Variants in KCNIP4 observed in about 807,000 individuals in gnomAD.
KCNIP4 encodes potassium voltage-gated channel interacting protein 4.
KCNIP4 carries 12 observed loss-of-function variants against 34.0 expected under a neutral mutation model. The ratio of observed to expected loss-of-function variants is 0.35; its 90% CI spans 0.23 to 0.57. KCNIP4 has a LOEUF of 0.57. KCNIP4 is among the 20% of genes least tolerant of loss of function. The pLI is 0.83. For synonymous variants in KCNIP4, 124 were observed against 102.2 expected (o/e 1.21, Z -1.29); for missense variants, 238 against 311.7 (o/e 0.76, Z 1.78).
At chr4:21,269,889 A>C (rs1813601) in intron 1 of KCNIP4, among the ~76,000 whole-genome samples, 120,084 of 152,050 alleles carry the variant, frequency 0.79, 48,399 homozygotes, top group African/African-American at 0.95. Flanking sequence ...GTATGATTTT[A>C]AGAATTGGTT....
chr4:21,351,691 C>A (rs1324479954), intron 1 of KCNIP4, among the ~76,000 whole-genome samples: 2 of 151,936 alleles, frequency 1.3e-5, no homozygotes, highest in Non-Finnish European at 2.9e-5. Context: ...GGTTGGTGTC[C>A]TTATAAGAAA....
chr4:21,638,437 T>A (rs1184483476), intron 1 of KCNIP4, among the ~76,000 whole-genome samples: 2 of 152,118 alleles, frequency 1.3e-5, no homozygotes, highest in African/African-American at 4.8e-5. Context: ...AAACACAACA[T>A]AAAACTGTAT....
At chr4:21,081,799 A>G (rs2109021911) in intron 1 of KCNIP4, among the ~76,000 whole-genome samples, 1 of 151,930 alleles carries the variant, frequency 6.6e-6, no homozygotes, top group South Asian at 2.1e-4. Context: ...TAGCTCACTG[A>G]ATTCTGAGAG....
intron 5 of KCNIP4, among the ~76,000 whole-genome samples, chr4:20,742,225 C>G (rs1382806245): frequency 6.6e-6 from 1 of 152,164 alleles, no homozygotes; most frequent in African/African-American, 2.4e-5. Context: ...TTTTATGAGG[C>G]CAGCATCATC....
chr4:21,153,858 A>G (rs1166780923), intron 1 of KCNIP4, among the ~76,000 whole-genome samples: 1 of 152,104 alleles, frequency 6.6e-6, no homozygotes, highest in East Asian at 1.9e-4. Flanking sequence ...CATCAGGTAT[A>G]TCCACTCAGT....
intron 1 of KCNIP4, among the ~76,000 whole-genome samples, chr4:20,902,094 A>T (rs1727212670): frequency 1.3e-5 from 2 of 152,170 alleles, no homozygotes; most frequent in African/African-American, 4.8e-5. Flanking sequence ...CACCACAGAG[A>T]TTACTCATGT....
chr4:21,845,442 G>C (rs930670703), intron 1 of KCNIP4: 5 of 151,980 alleles, frequency 3.3e-5, no homozygotes, highest in African/African-American at 1.2e-4. Flanking sequence ...AAGTATACAG[G>C]CCTTACAAGA....
chr4:21,374,353 G>C (rs906970108), intron 1 of KCNIP4, among the ~76,000 whole-genome samples: 3 of 147,256 alleles, frequency 2.0e-5, no homozygotes, highest in Admixed American at 2.0e-4. Flanking sequence ...AGGCAAGAGA[G>C]AGAATGAGAG....
chr4:21,905,600 C>G (rs923894133), intron 1 of KCNIP4, among the ~76,000 whole-genome samples: 1 of 151,954 alleles, frequency 6.6e-6, no homozygotes, highest in Admixed American at 6.6e-5. Flanking sequence ...AGCAAACTAT[C>G]GCAAGGACAA....
intron 1 of KCNIP4, among the ~76,000 whole-genome samples, chr4:21,282,333 A>T (rs539779529): frequency 1.3e-5 from 2 of 152,354 alleles, no homozygotes; most frequent in South Asian, 2.1e-4. Flanking sequence ...TAAAGAGATA[A>T]CTACAAATAT....
chr4:21,489,053 C>T (rs1560454700), intron 1 of KCNIP4, among the ~76,000 whole-genome samples: 1 of 152,070 alleles, frequency 6.6e-6, no homozygotes, highest in East Asian at 1.9e-4. Flanking sequence ...AAAGCTGTCT[C>T]CCTCAAGAAG....
At chr4:21,455,416 A>G (rs1452934116) in intron 1 of KCNIP4, among the ~76,000 whole-genome samples, 1 of 152,008 alleles carries the variant, frequency 6.6e-6, no homozygotes, top group Non-Finnish European at 1.5e-5. Flanking sequence ...TCTATGAGCT[A>G]CTAAAATCAA....
chr4:21,276,719 G>A (rs1319727398), intron 1 of KCNIP4, among the ~76,000 whole-genome samples: 2 of 151,896 alleles, frequency 1.3e-5, no homozygotes, highest in African/African-American at 2.4e-5. Context: ...AATGACAGTG[G>A]CCCATCTATA....
intron 1 of KCNIP4, among the ~76,000 whole-genome samples, chr4:20,915,184 C>A (rs34856968): frequency 6.6e-6 from 1 of 152,248 alleles, no homozygotes; most frequent in East Asian, 1.9e-4. Context: ...ATTTCTCTTA[C>A]GTACTCCAGG....
chr4:21,876,429 T>C (rs1435278144), intron 1 of KCNIP4, among the ~76,000 whole-genome samples: 1 of 152,116 alleles, frequency 6.6e-6, no homozygotes, highest in Non-Finnish European at 1.5e-5. Context: ...ATTCTATTGG[T>C]GGGTCCTGGG....
At chr4:21,307,575 A>G (rs570265470) in intron 1 of KCNIP4, among the ~76,000 whole-genome samples, 2 of 152,336 alleles carry the variant, frequency 1.3e-5, no homozygotes, top group African/African-American at 4.8e-5. Context: ...GTCTTGTTCA[A>G]TATAATATCC....
At chr4:21,488,321 T>C (rs1732092414) in intron 1 of KCNIP4, among the ~76,000 whole-genome samples, 1 of 152,166 alleles carries the variant, frequency 6.6e-6, no homozygotes, top group Non-Finnish European at 1.5e-5. Context: ...ATTGTTCGAT[T>C]CCAGTATACA....
chr4:20,913,265 A>G (rs1728499187), intron 1 of KCNIP4, among the ~76,000 whole-genome samples: 1 of 152,124 alleles, frequency 6.6e-6, no homozygotes, highest in Non-Finnish European at 1.5e-5. Flanking sequence ...AAAATAAAAT[A>G]AAAAAGAAGT....
chr4:20,957,868 T>A (rs1733473380), intron 1 of KCNIP4, among the ~76,000 whole-genome samples: 1 of 152,214 alleles, frequency 6.6e-6, no homozygotes, highest in East Asian at 1.9e-4. Context: ...AGGAGATATC[T>A]TTGGCTCTTC....
Sources: allele counts gnomAD v4.1 joint callset (sites outside exome capture counted in the v4.1 genomes callset), GRCh38; gene constraint gnomAD v4.1.1; transcripts MANE v1.5; gene names NCBI Gene and HGNC (gene_info 2026-07-23, HGNC 2026-07-21).